BLTP3A: variants seen among roughly 807,000 people sequenced by gnomAD.
The protein encoded by BLTP3A is ICBP90 binding protein 1.
At chr6:34,794,250 G>A in the BLTP3A span, among the ~76,000 whole-genome samples, 1 of 152,068 alleles carries the variant, frequency 6.6e-6, no homozygotes, top group Non-Finnish European at 1.5e-5. Context: ...ACTCCATTCT[G>A]CATGATGTGT....
chr6:34,822,723 G>C, the BLTP3A span, among the ~76,000 whole-genome samples: 1 of 151,946 alleles, frequency 6.6e-6, no homozygotes, highest in Non-Finnish European at 1.5e-5. Context: ...CAGGTGTGGT[G>C]GCAGGCGCCT....
the BLTP3A span, among the ~76,000 whole-genome samples, chr6:34,828,207 G>A: frequency 6.6e-6 from 1 of 151,710 alleles, no homozygotes; most frequent in Non-Finnish European, 1.5e-5. Context: ...AATCCCAGCA[G>A]TTTGGGAGGC....
chr6:34,807,444 G>T, the BLTP3A span, among the ~76,000 whole-genome samples: 1 of 152,212 alleles, frequency 6.6e-6, no homozygotes, highest in Admixed American at 6.5e-5. Context: ...AAGAAGACTG[G>T]CTCAAGCCAA....
chr6:34,877,256 C>T, the BLTP3A span: 4 of 152,640 alleles, frequency 2.6e-5, no homozygotes, highest in South Asian at 2.1e-4. Context: ...CTTCAAAATC[C>T]TCCCTATGAC....
At chr6:34,797,556 T>C in the BLTP3A span, among the ~76,000 whole-genome samples, 2 of 152,194 alleles carry the variant, frequency 1.3e-5, no homozygotes, top group East Asian at 3.8e-4. Flanking sequence ...GTCGGACTAG[T>C]CACAACTTCC....
the BLTP3A span, among the ~76,000 whole-genome samples, chr6:34,818,121 G>T: frequency 6.6e-6 from 1 of 152,104 alleles, no homozygotes; most frequent in Non-Finnish European, 1.5e-5. Context: ...GCCTCCCAAA[G>T]TGCTGGGATT....
At chr6:34,838,474 T>C in the BLTP3A span, among the ~76,000 whole-genome samples, 1 of 149,742 alleles carries the variant, frequency 6.7e-6, no homozygotes, top group Admixed American at 6.6e-5. Context: ...AAAGAAGGGT[T>C]TGAAAATATC....
At chr6:34,859,178 A>G in the BLTP3A span, 1 of 1,614,204 alleles carries the variant, frequency 6.2e-7, no homozygotes, top group Non-Finnish European at 8.5e-7. Context: ...ATTGAAAATC[A>G]GGATGTATCC....
chr6:34,814,252 C>T, the BLTP3A span, among the ~76,000 whole-genome samples: 2 of 152,156 alleles, frequency 1.3e-5, no homozygotes, highest in African/African-American at 2.4e-5. Context: ...TAGGCTCAAA[C>T]AATCCACCTG....
At chr6:34,874,813 A>T in the BLTP3A span, 1 of 152,166 alleles carries the variant, frequency 6.6e-6, no homozygotes, top group Non-Finnish European at 1.5e-5. Context: ...AAAACCATGG[A>T]TATGTCTTGA....
the BLTP3A span, among the ~76,000 whole-genome samples, chr6:34,845,972 T>C: frequency 6.6e-6 from 1 of 151,946 alleles, no homozygotes; most frequent in Non-Finnish European, 1.5e-5. Context: ...TTGATAGGGA[T>C]TGCATTGAAT....
the BLTP3A span, chr6:34,821,431 AGT>A: frequency 7.9e-6 from 3 of 379,866 alleles, no homozygotes; most frequent in South Asian, 1.3e-4. Context: ...GTGTGGTCTG[AGT>A]GCATTTGTTC....
the BLTP3A span, among the ~76,000 whole-genome samples, chr6:34,842,529 A>C: frequency 8.4e-3 from 1,285 of 152,264 alleles, 19 homozygotes; most frequent in African/African-American, 0.027. Context: ...TCTTAGATAT[A>C]ACAATCATCT....
At chr6:34,821,701 A>G in the BLTP3A span, 177 of 1,614,138 alleles carry the variant, frequency 1.1e-4, no homozygotes, top group African/African-American at 2.1e-3. Context: ...GCACCCTGAA[A>G]GGGGAGGGTC....
the BLTP3A span, chr6:34,864,198 G>A: frequency 6.2e-7 from 1 of 1,612,082 alleles, no homozygotes; most frequent in Non-Finnish European, 8.5e-7. Context: ...CTTGGAGTCT[G>A]GTATGTGGGA....
chr6:34,856,760 G>A, the BLTP3A span: 2 of 1,606,026 alleles, frequency 1.2e-6, no homozygotes, highest in African/African-American at 2.7e-5. Context: ...GAATGTATCT[G>A]ATTCTTTTTC....
the BLTP3A span, among the ~76,000 whole-genome samples, chr6:34,829,669 C>T: frequency 6.6e-6 from 1 of 151,790 alleles, no homozygotes; most frequent in African/African-American, 2.4e-5. Context: ...GAGTCTTGCT[C>T]TGTTGCCCAG....
the BLTP3A span, among the ~76,000 whole-genome samples, chr6:34,869,015 T>G: frequency 6.6e-6 from 1 of 151,502 alleles, no homozygotes; most frequent in South Asian, 2.1e-4. Context: ...TGTTTTTTAA[T>G]TTTTTTTTGA....
chr6:34,823,122 A>G, the BLTP3A span: 3 of 697,188 alleles, frequency 4.3e-6, no homozygotes, highest in East Asian at 7.7e-5. Flanking sequence ...CTCAGTAAAT[A>G]TTTATTGTCT....
Sources: gnomAD v4.1 joint callset for allele counts (sites outside exome capture counted in the v4.1 genomes callset) on GRCh38, gnomAD v4.1.1 for gene constraint, MANE v1.5 for transcripts, NCBI Gene and HGNC (gene_info 2026-07-23, HGNC 2026-07-21) for gene names.